NSD3: variants seen among roughly 807,000 people sequenced by gnomAD.
NSD3 encodes nuclear receptor binding SET domain protein 3, also known as histone-lysine N-methyltransferase NSD3.
NSD3 carries 24 observed loss-of-function variants against 160.8 expected under a neutral mutation model. The observed-to-expected ratio is 0.15, with a 90% confidence interval of 0.11 to 0.21. The LOEUF is 0.21. Among genes scored for constraint, NSD3 ranks in the 10% least tolerant of loss-of-function variants. The probability of loss-of-function intolerance (pLI) is 1.00; values close to 1 mark genes in which losing one functional copy is unlikely to be tolerated. For synonymous variants in NSD3, 520 were observed against 600.0 expected (o/e 0.87, Z 1.95); for missense variants, 1,157 against 1,735.9 (o/e 0.67, Z 5.93).
intron 4 of NSD3, among the ~76,000 whole-genome samples, chr8:38,332,112 C>CT (rs1364916248): frequency 4.6e-5 from 7 of 151,784 alleles, no homozygotes; most frequent in South Asian, 4.2e-4. Context: ...TTTTTTGTTG[C>CT]TTTTTTTTGT....
chr8:38,374,861 G>A (rs563028213), intron 1 of NSD3, among the ~76,000 whole-genome samples: 5 of 152,086 alleles, frequency 3.3e-5, no homozygotes, highest in East Asian at 3.9e-4. Context: ...AAAATTAGCC[G>A]GGCGTGCTGG....
intron 1 of NSD3, among the ~76,000 whole-genome samples, chr8:38,351,860 G>C (rs1170353959): frequency 6.6e-6 from 1 of 151,668 alleles, no homozygotes; most frequent in South Asian, 2.1e-4. Context: ...ATCACACACC[G>C]GGGCCTGTTG....
intron 20 of NSD3, among the ~76,000 whole-genome samples, chr8:38,280,373 A>G (rs1187486422): frequency 6.6e-6 from 1 of 152,220 alleles, no homozygotes; most frequent in East Asian, 1.9e-4. Context: ...GATCCCAGCA[A>G]TCATAAAGAA....
intron 1 of NSD3, among the ~76,000 whole-genome samples, chr8:38,353,415 A>G (rs1810748489): frequency 6.6e-6 from 1 of 152,240 alleles, no homozygotes; most frequent in Admixed American, 6.5e-5. Flanking sequence ...AGGCAAGTCA[A>G]ATAATGACAT....
intron 3 of NSD3, 71 bp downstream of exon 3, chr8:38,338,465 T>C: frequency 2.4e-6 from 3 of 1,240,740 alleles, no homozygotes; most frequent in Non-Finnish European, 3.6e-6. Context: ...ACAATTGTGT[T>C]GCAATTCAAT....
rs1809129858 is a variant in NSD3 at position 38,296,044 on chromosome 8, T to C, written c.2759-92A>G. The C allele has an allele frequency of 1.7e-5, 22 of 1,307,462 alleles. No individual in the cohort carries two copies. The South Asian group carries it at 3.4e-4, about 20-fold the overall frequency. The allele number at this position is 1,307,462 out of a possible 1,614,324, so 81.0% of individuals were successfully genotyped here. On this transcript the variant is annotated intron_variant, in intron 15 of 23. Transcript: ENST00000317025. ...AAGTTATCTTTTCAGCACATTAAAT[T>C]TGTTTCAAATTGGGGGAAAATAACA... is the stretch of plus-strand genomic sequence containing the variant.
chr8:38,368,477 A>AAAC (rs545348441), intron 1 of NSD3, among the ~76,000 whole-genome samples: 10 of 152,328 alleles, frequency 6.6e-5, no homozygotes, highest in Admixed American at 5.2e-4. Flanking sequence ...ACAAAAAAGA[A>AAAC]AACAACAACA....
chr8:38,348,246 G>A, intron 1 of NSD3, 31 bp from the exon 2 acceptor site: 1 of 1,476,074 alleles, frequency 6.8e-7, no homozygotes, highest in African/African-American at 1.4e-5. Context: ...ATTAGAAGGT[G>A]TTACTATTCT....
rs1327108923 is a variant in NSD3, at chr8:38,289,488, T to C, written c.3136A>G (p.Lys1046Glu). The C allele has an allele frequency of 1.9e-6, 3 of 1,613,500 alleles. No homozygotes were observed. Among genetic ancestry groups the C allele is most frequent in the Non-Finnish European group, 2.5e-6 (3 of 1,179,870 alleles). ...TGTGCTTTCAATTCCTGGAAACGTT[T>C]TGCAGCTTCTTCCAGTGCTGCCAAT... ...TFKKALEEAAKRFQELKAQRE... is the reference protein window; with the variant it reads ...TFKKALEEAAERFQELKAQRE... Residue 1046 changes from lysine (K) to glutamate (E), a missense_variant, in exon 18 of 24, where the codon AAA (lysine) becomes GAA (glutamate). This residue lies in a region of NSD3 where 437 missense variants were observed against 576.6 expected (regional missense o/e 0.76). Transcript: ENST00000317025.
intron 2 of NSD3, among the ~76,000 whole-genome samples, chr8:38,346,200 ATACC>A (rs1810520567): frequency 6.7e-6 from 1 of 149,208 alleles, no homozygotes; most frequent in African/African-American, 2.4e-5. Flanking sequence ...ATGTATATAC[ATACC>A]TATGTATTAT....
Position 38,305,290 on chromosome 8 carries a change from A to G in NSD3, c.2398T>C (p.Ser800Pro). ...ATATCTTTCTCCATAGAGCAGGCAG[A>G]GCAGCAGTGCTGAGGACAGCGGAAT... ...KGFRCPQHCC[S>P]ACSMEKDIHK... The change falls in exon 13 of 24, where the codon TCT becomes CCT. Residue 800 changes from serine to proline, a missense_variant. Physicochemically the swap from Ser to Pro is moderately conservative, Grantham distance 74. Coordinates refer to ENST00000317025, the MANE Select transcript of NSD3 (RefSeq NM_023034.2). 1 of 1,614,230 alleles carries G rather than the reference A, an allele frequency of 6.2e-7. No individual in the cohort carries two copies. Among genetic ancestry groups the G allele is most frequent in the Non-Finnish European group, 8.5e-7 (1 of 1,180,036 alleles).
intron 1 of NSD3, among the ~76,000 whole-genome samples, chr8:38,370,657 A>G (rs952525961): frequency 3.3e-5 from 5 of 152,102 alleles, no homozygotes; most frequent in African/African-American, 7.2e-5. Flanking sequence ...TTTAAAACAA[A>G]ACTTTATAAT....
intron 12 of NSD3, among the ~76,000 whole-genome samples, chr8:38,306,649 A>G (rs1231451304): frequency 1.3e-5 from 2 of 152,208 alleles, no homozygotes; most frequent in East Asian, 1.9e-4. Context: ...AGATAATGGA[A>G]TAAGACTTAC....
chr8:38,324,913 T>C (rs1239412564), intron 7 of NSD3, among the ~76,000 whole-genome samples: 3 of 152,238 alleles, frequency 2.0e-5, no homozygotes, highest in Admixed American at 1.3e-4. Context: ...TAGGGTGGCA[T>C]GGCCAGAGAG....
chr8:38,333,893 TACTG>T (rs918714662), intron 4 of NSD3, among the ~76,000 whole-genome samples: 1 of 151,858 alleles, frequency 6.6e-6, no homozygotes, highest in Non-Finnish European at 1.5e-5. Flanking sequence ...AAAAAAAAAA[TACTG>T]ACTAATAACA....
chr8:38,349,665 T>TTATATATATATATATATATA lies in NSD3; in HGVS notation c.-44-1470_-44-1451dup, dbSNP rs71519992. ...TATTTTTTTATTGTAATTTCTTTCT[T>TTATATATATATATATATATA]TATATATATATATATATATATATAT... On this transcript the variant is annotated intron_variant, in intron 1 of 23. Transcript: ENST00000317025. Among the ~76,000 whole-genome samples, 27 of 109,768 alleles carry TTATATATATATATATATATA rather than the reference T, an allele frequency of 2.5e-4. 1 individual carries two copies. Among genetic ancestry groups the TTATATATATATATATATATA allele is most frequent in the African/African-American group, 8.8e-4 (25 of 28,396 alleles). 72.0% of individuals were successfully genotyped at this position (109,768 alleles called of 152,430 possible).
chr8:38,289,348 T>C (rs755919792), intron 18 of NSD3, 45 bp downstream of exon 18: 2 of 1,513,390 alleles, frequency 1.3e-6, no homozygotes, highest in Non-Finnish European at 1.8e-6. Flanking sequence ...ACTTACTTTG[T>C]TTCTTATTTT....
intron 6 of NSD3, among the ~76,000 whole-genome samples, chr8:38,328,108 G>A (rs1477197665): frequency 6.6e-6 from 1 of 152,108 alleles, no homozygotes; most frequent in African/African-American, 2.4e-5. Flanking sequence ...GGCCAAGGCA[G>A]AAGATCCCTT....
intron 16 of NSD3, among the ~76,000 whole-genome samples, chr8:38,292,888 C>G (rs538750555): frequency 2.0e-5 from 3 of 151,998 alleles, no homozygotes; most frequent in Admixed American, 1.3e-4. Flanking sequence ...AGGAGAATCA[C>G]TTGAACCCGG....
Sources: gnomAD v4.1 joint callset for allele counts (sites outside exome capture counted in the v4.1 genomes callset) on GRCh38, gnomAD v4.1.1 for gene constraint, gnomAD v4.1.1 regional missense constraint, MANE v1.5 for transcripts, NCBI Gene and HGNC (gene_info 2026-07-23, HGNC 2026-07-21) for gene names.